The following SACM1L variants were observed in gnomAD, a reference collection of about 807,000 sequenced individuals.
The protein encoded by SACM1L is SAC1 like phosphatidylinositide phosphatase.
A neutral mutation model predicts 89.5 loss-of-function variants in SACM1L; 32 were observed. That is an observed-to-expected ratio of 0.36 (90% CI 0.27 to 0.48). The LOEUF is 0.48. Ranked by LOEUF, SACM1L falls within the 20% of genes least tolerant of loss-of-function variation. SACM1L has a pLI of 0.99. For missense variants in SACM1L, 543 were observed against 708.5 expected, an observed-to-expected ratio of 0.77 and a Z score of 2.65; for synonymous variants, 213 against 232.8, an observed-to-expected ratio of 0.92 and a Z score of 0.77.
At chr3:45,697,465 C>G (rs1000018687) in intron 1 of SACM1L, among the ~76,000 whole-genome samples, 1 of 149,714 alleles carries the variant, frequency 6.7e-6, no homozygotes, top group Non-Finnish European at 1.5e-5. Flanking sequence ...TTTGTAGAAA[C>G]GGGGTTTTGC....
intron 19 of SACM1L, 110 bp downstream of exon 19, chr3:45,739,754 T>G: frequency 1.1e-6 from 1 of 950,990 alleles, no homozygotes; most frequent in Non-Finnish European, 1.7e-6. Context: ...TTAAATTTAA[T>G]GGGTAAAGTG....
chr3:45,727,889 C>T (rs554956105), intron 11 of SACM1L, among the ~76,000 whole-genome samples: 1 of 152,306 alleles, frequency 6.6e-6, no homozygotes, highest in East Asian at 1.9e-4. Context: ...GCCACTGCGC[C>T]CAGCCTCTAC....
intron 1 of SACM1L, among the ~76,000 whole-genome samples, chr3:45,691,324 TAG>T (rs769168295): frequency 3.3e-4 from 51 of 152,302 alleles, no homozygotes; most frequent in Middle Eastern, 3.4e-3. Context: ...GTTTATGAGT[TAG>T]AGTTTCCATT....
chr3:45,716,430 C>T (rs1349558535), intron 7 of SACM1L, among the ~76,000 whole-genome samples: 2 of 152,182 alleles, frequency 1.3e-5, no homozygotes, highest in Admixed American at 1.3e-4. Flanking sequence ...GATCACACCA[C>T]TGTGTTCTAG....
chr3:45,721,018 A>G (rs1030044439), intron 8 of SACM1L, among the ~76,000 whole-genome samples: 1 of 152,244 alleles, frequency 6.6e-6, no homozygotes, highest in South Asian at 2.1e-4. Context: ...TAGATTACGT[A>G]AACAAATTTT....
At position 45,725,407 on chromosome 3, in the gene SACM1L, A is replaced by G. The variant is rs552482770; in HGVS notation, c.921+1864A>G. 2.8e-4 allele frequency among the ~76,000 whole-genome samples: 43 copies of G among 152,004 alleles called. 1 individual carries two copies. In the South Asian group the frequency reaches 8.5e-3, roughly 30 times the overall value. On this transcript the variant is annotated intron_variant, in intron 11 of 19. Coordinates refer to ENST00000389061, the MANE Select transcript of SACM1L (RefSeq NM_014016.5). ...ACATGCATTTCACCTCCTTGTTTAAATTTATTTTTGAGTATTTATGCCTGA... is the reference window on the plus strand; with the variant it reads ...ACATGCATTTCACCTCCTTGTTTAAGTTTATTTTTGAGTATTTATGCCTGA...
chr3:45,706,988 A>G (rs998293001), intron 4 of SACM1L, 81 bp downstream of exon 4: 1 of 1,290,806 alleles, frequency 7.7e-7, no homozygotes, highest in Admixed American at 2.1e-5. Flanking sequence ...GGTGTTGTGG[A>G]ATACAAAGAA....
At chr3:45,738,961 T>C in intron 18 of SACM1L, 88 bp downstream of exon 18, 1 of 786,154 alleles carries the variant, frequency 1.3e-6, no homozygotes, top group Non-Finnish European at 2.1e-6. Context: ...AAACGTTATA[T>C]GTGGTTTTAT....
intron 4 of SACM1L, 107 bp from the exon 5 acceptor site, chr3:45,709,391 G>A: frequency 1.0e-6 from 1 of 961,422 alleles, no homozygotes; most frequent in Non-Finnish European, 1.5e-6. Context: ...CCTTGTGCCA[G>A]TAGTCTTTAA....
At chr3:45,727,932 G>T (rs766210031) in intron 11 of SACM1L, among the ~76,000 whole-genome samples, 22 of 152,126 alleles carry the variant, frequency 1.4e-4, no homozygotes, top group Non-Finnish European at 2.9e-4. Context: ...TCTCCCTTCA[G>T]TTCTGTCAGT....
rs556363050 is a variant in SACM1L, at chr3:45,703,945, A to G, written c.130+410A>G. Among the ~76,000 whole-genome samples, 182 of 152,304 alleles carry G rather than the reference A, an allele frequency of 1.2e-3. 1 individual carries two copies. The highest frequency in any genetic ancestry group is 4.3e-3 in the African/African-American group (178 of 41,584). ...AGCTACTTTTGTTTTGAAAGCTTTCATGACTATGTGGAAATTTAATAAATG... is the reference window on the plus strand; with the variant it reads ...AGCTACTTTTGTTTTGAAAGCTTTCGTGACTATGTGGAAATTTAATAAATG... On this transcript the variant is annotated intron_variant, in intron 2 of 19. Transcript: ENST00000389061.
rs570535617 is a variant in SACM1L, at chr3:45,689,427, G to A, written c.-39G>A. On this transcript the variant is annotated 5_prime_UTR_variant, in exon 1 of 20. Transcript: ENST00000389061. ...GTAGCCGAGGTGGCGGCGCGGGGCG[G>A]GGCGGGCGGAGAGAGAAGGAAGGAG... The A allele has an allele frequency of 2.9e-4, 451 of 1,552,160 alleles. 5 individuals carry two copies. In the Admixed American group the frequency reaches 8.6e-3, roughly 30 times the overall value.
At chr3:45,725,720 CTACTAA>C (rs1475457964) in intron 11 of SACM1L, among the ~76,000 whole-genome samples, 2 of 150,834 alleles carry the variant, frequency 1.3e-5, no homozygotes, top group Non-Finnish European at 3.0e-5. Context: ...GTTGCTAGAA[CTACTAA>C]TACTATGTTG....
chr3:45,715,213 T>C (rs1332430234), intron 7 of SACM1L, among the ~76,000 whole-genome samples: 1 of 152,220 alleles, frequency 6.6e-6, no homozygotes, highest in Non-Finnish European at 1.5e-5. Context: ...TAATCAGGAT[T>C]GTGCCCTGAA....
At chr3:45,695,508 G>A (rs918896836) in intron 1 of SACM1L, among the ~76,000 whole-genome samples, 1 of 152,102 alleles carries the variant, frequency 6.6e-6, no homozygotes, top group Non-Finnish European at 1.5e-5. Flanking sequence ...TGATCCACCT[G>A]CCTCGGCCTC....
intron 11 of SACM1L, 24 bp downstream of exon 11, chr3:45,723,567 G>A: frequency 1.5e-6 from 2 of 1,299,736 alleles, no homozygotes; most frequent in South Asian, 1.6e-5. Context: ...GTTTCTTGGG[G>A]GGAAAAAAAA....
At chr3:45,736,675 A>C (rs1490934903) in intron 14 of SACM1L, among the ~76,000 whole-genome samples, 2 of 152,244 alleles carry the variant, frequency 1.3e-5, no homozygotes, top group East Asian at 3.8e-4. Context: ...GTTTGGTTCC[A>C]TGGCTGATTA....
intron 5 of SACM1L, among the ~76,000 whole-genome samples, chr3:45,711,769 CT>C (rs1261165722): frequency 6.6e-6 from 1 of 152,118 alleles, no homozygotes; most frequent in Non-Finnish European, 1.5e-5. Context: ...TTCCTTGATT[CT>C]GAATTGTCTT....
chr3:45,712,237 G>T (rs1022996978), intron 5 of SACM1L, among the ~76,000 whole-genome samples: 1 of 152,026 alleles, frequency 6.6e-6, no homozygotes, highest in Non-Finnish European at 1.5e-5. Flanking sequence ...AGTAGAGTCA[G>T]TTATTTTGTT....
Sources: allele counts gnomAD v4.1 joint callset (sites outside exome capture counted in the v4.1 genomes callset), GRCh38; gene constraint gnomAD v4.1.1; transcripts MANE v1.5; gene names NCBI Gene and HGNC (gene_info 2026-07-23, HGNC 2026-07-21).